The following CNTN1 variants were observed in gnomAD, a reference collection of about 807,000 sequenced individuals.
CNTN1 encodes contactin 1.
Under a neutral mutation model 126.4 loss-of-function variants are expected in CNTN1, and 38 were observed. The ratio of observed to expected loss-of-function variants is 0.30; its 90% CI spans 0.23 to 0.39. CNTN1 has a LOEUF of 0.39. CNTN1 is among the 10% of genes least tolerant of loss of function. The pLI is 1.00. For synonymous variants in CNTN1, 413 were observed against 422.6 expected (o/e 0.98, Z 0.28); for missense variants, 1,009 against 1,248.4 (o/e 0.81, Z 2.89).
intron 1 of CNTN1, among the ~76,000 whole-genome samples, chr12:40,797,410 C>A (rs961987023): frequency 5.3e-5 from 8 of 151,862 alleles, no homozygotes; most frequent in African/African-American, 1.7e-4. Context: ...AGAAAAGCAT[C>A]CCAGGCCAAA....
intron 1 of CNTN1, among the ~76,000 whole-genome samples, chr12:40,831,984 T>A (rs780040663): frequency 6.6e-6 from 1 of 152,180 alleles, no homozygotes; most frequent in Non-Finnish European, 1.5e-5. Context: ...TATAAAAGTA[T>A]GGAGGCTAAA....
intron 1 of CNTN1, among the ~76,000 whole-genome samples, chr12:40,707,454 G>A (rs978449611): frequency 5.9e-5 from 9 of 151,752 alleles, no homozygotes; most frequent in Non-Finnish European, 1.3e-4. Flanking sequence ...GGGTTTCACT[G>A]TGTTAGCCAG....
At chr12:40,812,727 AT>A (rs1941111353) in intron 1 of CNTN1, among the ~76,000 whole-genome samples, 2 of 152,076 alleles carry the variant, frequency 1.3e-5, no homozygotes, top group Non-Finnish European at 2.9e-5. Context: ...TTAGGGTTCC[AT>A]TTGCATGGAA....
At chr12:40,868,134 C>A (rs115926323) in intron 1 of CNTN1, among the ~76,000 whole-genome samples, 1,962 of 151,948 alleles carry the variant, frequency 0.013, 40 homozygotes, top group African/African-American at 0.045. Flanking sequence ...GCTTCTATTT[C>A]TTTTCTTTAT....
chr12:40,905,715 G>A (rs923659754), intron 1 of CNTN1, among the ~76,000 whole-genome samples: 2 of 152,050 alleles, frequency 1.3e-5, no homozygotes, highest in Non-Finnish European at 2.9e-5. Flanking sequence ...GCATTTTTAT[G>A]TGTTTGCTTT....
At chr12:40,862,206 AATAC>A (rs1454619380) in intron 1 of CNTN1, among the ~76,000 whole-genome samples, 3 of 94,162 alleles carry the variant, frequency 3.2e-5, no homozygotes, top group Non-Finnish European at 6.1e-5. Context: ...CTTGTCTCTT[AATAC>A]ACACACACAC....
chr12:40,991,785 G>C (rs12818588), intron 16 of CNTN1, among the ~76,000 whole-genome samples: 5,170 of 152,262 alleles, frequency 0.034, 116 homozygotes, highest in Middle Eastern at 0.11. Context: ...CAGAGATCAC[G>C]CAACTGCACT....
chr12:40,841,281 C>G (rs1402473006), intron 1 of CNTN1, among the ~76,000 whole-genome samples: 5 of 151,898 alleles, frequency 3.3e-5, no homozygotes, highest in Admixed American at 3.3e-4. Flanking sequence ...AAGAGTGAAT[C>G]AGTAATAAAA....
chr12:40,834,114 A>G (rs1941957252), intron 1 of CNTN1, among the ~76,000 whole-genome samples: 1 of 152,224 alleles, frequency 6.6e-6, no homozygotes, highest in African/African-American at 2.4e-5. Context: ...GCAATTAAGC[A>G]GAAGACTAAC....
At chr12:40,739,798 A>G (rs1937859402) in intron 1 of CNTN1, among the ~76,000 whole-genome samples, 1 of 152,120 alleles carries the variant, frequency 6.6e-6, no homozygotes, top group African/African-American at 2.4e-5. Context: ...AGGAAAGAAC[A>G]GACCTCAGTT....
At chr12:40,946,507 T>C (rs1946439199) in intron 14 of CNTN1, among the ~76,000 whole-genome samples, 1 of 152,038 alleles carries the variant, frequency 6.6e-6, no homozygotes, top group South Asian at 2.1e-4. Context: ...AACACTGAAA[T>C]AGACATGGAC....
intron 17 of CNTN1, among the ~76,000 whole-genome samples, chr12:40,997,846 T>C (rs1948256969): frequency 6.6e-6 from 1 of 152,214 alleles, no homozygotes; most frequent in African/African-American, 2.4e-5. Flanking sequence ...CAAACTTTTA[T>C]ATTTAACATA....
At chr12:40,972,149 A>C (rs919265548) in intron 15 of CNTN1, 1 of 985,288 alleles carries the variant, frequency 1.0e-6, no homozygotes, top group African/African-American at 1.7e-5. Flanking sequence ...CCCTCATCTG[A>C]GTAGCAAGAT....
At chr12:40,852,375 C>T (rs938665822) in intron 1 of CNTN1, among the ~76,000 whole-genome samples, 11 of 152,078 alleles carry the variant, frequency 7.2e-5, no homozygotes, top group Non-Finnish European at 1.5e-4. Context: ...ATCAGCAATG[C>T]TTGGTTTTAA....
chr12:41,006,086 A>AT (rs890261472), intron 17 of CNTN1, among the ~76,000 whole-genome samples: 7 of 151,598 alleles, frequency 4.6e-5, no homozygotes, highest in Non-Finnish European at 8.8e-5. Flanking sequence ...ACAACCTTTG[A>AT]TTTTTTTTCT....
At chr12:41,057,507 C>T (rs1949852613) in intron 23 of CNTN1, among the ~76,000 whole-genome samples, 1 of 152,052 alleles carries the variant, frequency 6.6e-6, no homozygotes, top group South Asian at 2.1e-4. Flanking sequence ...CAACCTATGG[C>T]TAGCTAACAA....
chr12:40,811,588 T>C (rs1370655057), intron 1 of CNTN1, among the ~76,000 whole-genome samples: 1 of 152,124 alleles, frequency 6.6e-6, no homozygotes, highest in Non-Finnish European at 1.5e-5. Context: ...GCCTTACTTG[T>C]ATTTGTCTGT....
intron 1 of CNTN1, among the ~76,000 whole-genome samples, chr12:40,762,222 T>C (rs1815549560): frequency 1.3e-5 from 2 of 152,198 alleles, no homozygotes; most frequent in African/African-American, 2.4e-5. Context: ...ACCTCTAATA[T>C]AGCCATTTAC....
chr12:40,878,289 C>T (rs555832042), intron 1 of CNTN1, among the ~76,000 whole-genome samples: 16 of 150,412 alleles, frequency 1.1e-4, no homozygotes, highest in Non-Finnish European at 2.2e-4. Flanking sequence ...AGCCACTGCA[C>T]CCAGCCAAGA....
Sources: allele counts gnomAD v4.1 joint callset (sites outside exome capture counted in the v4.1 genomes callset), GRCh38; gene constraint gnomAD v4.1.1; transcripts MANE v1.5; gene names NCBI Gene and HGNC (gene_info 2026-07-23, HGNC 2026-07-21).